Variants in ADAMTSL1 observed in about 807,000 individuals in gnomAD.
ADAMTSL1 encodes ADAMTS like 1.
Under a neutral mutation model 201.8 loss-of-function variants are expected in ADAMTSL1, and 126 were observed. The observed-to-expected ratio is 0.62, with a 90% CI of 0.54 to 0.72. The LOEUF (loss-of-function observed/expected upper bound fraction) is 0.72, where lower values mean the gene tolerates loss of function less well. ADAMTSL1 is among the 30% of genes least tolerant of loss of function. The pLI is 0.00. For missense variants in ADAMTSL1, 2,679 were observed against 2,277.8 expected, an observed-to-expected ratio of 1.18 and a Z score of -3.59; for synonymous variants, 1,121 against 903.4, an observed-to-expected ratio of 1.24 and a Z score of -4.32.
intron 17 of ADAMTSL1, among the ~76,000 whole-genome samples, 180 bp from the exon 18 acceptor site, chr9:18,775,563 C>T (rs1372905086): frequency 1.3e-5 from 2 of 152,126 alleles, no homozygotes; most frequent in African/African-American, 4.8e-5. Context: ...TCTTAGAGTG[C>T]AAAATGTCTA....
chr9:18,905,574 G>A, intron 26 of ADAMTSL1: 1 of 549,486 alleles, frequency 1.8e-6, no homozygotes, highest in Non-Finnish European at 3.3e-6. Context: ...CTGGCAGAAT[G>A]CCCACAGACC....
intron 2 of ADAMTSL1, among the ~76,000 whole-genome samples, chr9:18,214,077 G>C (rs1829979936): frequency 6.6e-6 from 1 of 152,112 alleles, no homozygotes; most frequent in South Asian, 2.1e-4. Context: ...TACGTATTTA[G>C]TGTATTTTTG....
At position 18,711,662 on chromosome 9, in the gene ADAMTSL1, G is replaced by C. The variant is rs1480417309; in HGVS notation, c.1876+4614G>C. Among the ~76,000 whole-genome samples the C allele has an allele frequency of 2.0e-5, 3 of 152,212 alleles. No homozygotes were observed. The South Asian group carries it at 6.2e-4, about 32-fold the overall frequency. On this transcript the variant is annotated intron_variant, in intron 14 of 28. Coordinates refer to ENST00000380548, the MANE Select transcript of ADAMTSL1 (RefSeq NM_001040272.6). ...GATCAAACTGCAAGGTGGCAGCGAG[G>C]CTGGGGGAGGGGCGCCCGCCATTGC...
chr9:18,717,598 T>C (rs1833032067), intron 14 of ADAMTSL1, among the ~76,000 whole-genome samples: 1 of 152,154 alleles, frequency 6.6e-6, no homozygotes, highest in Admixed American at 6.5e-5. Flanking sequence ...AAAATAGTGG[T>C]GCTTTTAGGA....
intron 1 of ADAMTSL1, among the ~76,000 whole-genome samples, chr9:17,987,123 A>G (rs1818960070): frequency 6.6e-6 from 1 of 152,036 alleles, no homozygotes; most frequent in African/African-American, 2.4e-5. Flanking sequence ...GAGTTTTCGG[A>G]GAGTATCTGT....
chr9:18,787,259 G>T (rs758254317), intron 19 of ADAMTSL1, among the ~76,000 whole-genome samples: 2 of 152,116 alleles, frequency 1.3e-5, no homozygotes, highest in Admixed American at 6.6e-5. Context: ...AAAAAGAACC[G>T]TCCCAGTAAA....
intron 2 of ADAMTSL1, among the ~76,000 whole-genome samples, chr9:18,250,931 T>A (rs1270039979): frequency 6.6e-6 from 1 of 152,046 alleles, no homozygotes; most frequent in African/African-American, 2.4e-5. Flanking sequence ...CAGGAGAGAA[T>A]AATGACAACT....
intron 28 of ADAMTSL1, 48 bp downstream of exon 28, chr9:18,906,960 C>A: frequency 1.2e-6 from 2 of 1,603,582 alleles, no homozygotes; most frequent in East Asian, 4.5e-5. Flanking sequence ...CATAGAGCAT[C>A]GAGTGCAGAG....
chr9:18,153,857 T>C (rs1295616576), intron 1 of ADAMTSL1, among the ~76,000 whole-genome samples: 1 of 151,958 alleles, frequency 6.6e-6, no homozygotes, highest in Non-Finnish European at 1.5e-5. Flanking sequence ...GGCACTTATA[T>C]TGAGGAAGGA....
chr9:18,547,768 T>G (rs1820561596), intron 3 of ADAMTSL1, among the ~76,000 whole-genome samples: 1 of 151,904 alleles, frequency 6.6e-6, no homozygotes, highest in Non-Finnish European at 1.5e-5. Context: ...AAGCCATACT[T>G]TCCCTCTGGG....
intron 13 of ADAMTSL1, among the ~76,000 whole-genome samples, chr9:18,703,701 C>CATACATATATATATATAT (rs1295764808): frequency 3.2e-4 from 25 of 78,808 alleles, no homozygotes; most frequent in African/African-American, 1.2e-3. Context: ...TGCGCACATA[C>CATACATATATATATATAT]ATATATATAT....
chr9:18,453,378 A>G (rs1017259311), intron 2 of ADAMTSL1, among the ~76,000 whole-genome samples: 1 of 152,140 alleles, frequency 6.6e-6, no homozygotes, highest in Admixed American at 6.5e-5. Flanking sequence ...AAATGCCTTC[A>G]GTATCATTCT....
chr9:17,950,871 C>T (rs547767346), intron 1 of ADAMTSL1, among the ~76,000 whole-genome samples: 3 of 151,964 alleles, frequency 2.0e-5, no homozygotes, highest in Non-Finnish European at 2.9e-5. Flanking sequence ...ATATAAAGGC[C>T]CCATAAATGC....
intron 2 of ADAMTSL1, among the ~76,000 whole-genome samples, chr9:18,283,378 G>A (rs1377323340): frequency 3.9e-5 from 6 of 151,998 alleles, no homozygotes; most frequent in Non-Finnish European, 1.5e-5. Flanking sequence ...GCCAAGGCAG[G>A]AGGATCACTT....
At chr9:18,243,450 C>T (rs1310446289) in intron 2 of ADAMTSL1, among the ~76,000 whole-genome samples, 2 of 152,072 alleles carry the variant, frequency 1.3e-5, no homozygotes, top group Non-Finnish European at 2.9e-5. Flanking sequence ...AGGAACAAAT[C>T]CGATTATGTT....
In ADAMTSL1 at chr9:18,758,494, G is replaced by T. The variant is rs370540419; in HGVS notation, c.2217+4986G>T. ...AAATTCAGGGGAACCGCAGGCCTGC[G>T]TGCCCTCTGGAGATCAAGGGGAGGG... On this transcript the variant is annotated intron_variant, in intron 16 of 28. Coordinates refer to ENST00000380548, the MANE Select transcript of ADAMTSL1 (RefSeq NM_001040272.6). 4.5e-4 allele frequency among the ~76,000 whole-genome samples: 68 copies of T among 152,304 alleles called. 1 individual carries two copies. Among genetic ancestry groups the T allele is most frequent in the African/African-American group, 1.4e-3 (60 of 41,572 alleles).
chr9:18,208,568 G>A (rs896095501), intron 2 of ADAMTSL1, among the ~76,000 whole-genome samples: 2 of 152,054 alleles, frequency 1.3e-5, no homozygotes, highest in Admixed American at 6.6e-5. Context: ...AGTTTTAAGC[G>A]CTTCATAAAT....
At chr9:18,116,066 A>G (rs1825236637) in intron 1 of ADAMTSL1, among the ~76,000 whole-genome samples, 1 of 152,170 alleles carries the variant, frequency 6.6e-6, no homozygotes. Context: ...GGAAGCAGGG[A>G]CAGAGACCGT....
At chr9:18,214,934 A>C (rs553780151) in intron 2 of ADAMTSL1, among the ~76,000 whole-genome samples, 1 of 152,262 alleles carries the variant, frequency 6.6e-6, no homozygotes, top group East Asian at 1.9e-4. Flanking sequence ...ATCAGGCAGT[A>C]GTCTTTATTG....
Sources: gnomAD v4.1 joint callset for allele counts (sites outside exome capture counted in the v4.1 genomes callset) on GRCh38, gnomAD v4.1.1 for gene constraint, MANE v1.5 for transcripts, NCBI Gene and HGNC (gene_info 2026-07-23, HGNC 2026-07-21) for gene names.